Variants in SCN10A observed in about 807,000 individuals in gnomAD.
The protein encoded by SCN10A is sodium channel protein type 10 subunit alpha.
SCN10A carries 162 observed loss-of-function variants against 170.7 expected under a neutral mutation model. The ratio of observed to expected loss-of-function variants is 0.95; its 90% confidence interval spans 0.84 to 1.08. The LOEUF is 1.08. Among genes scored for constraint, SCN10A ranks in the 50% least tolerant of loss-of-function variants. The pLI, the probability that SCN10A is intolerant of heterozygous loss-of-function variation, is 0.00. For missense variants in SCN10A, 2,527 were observed against 2,436.9 expected (o/e 1.04, Z -0.78); for synonymous variants, 985 against 904.6 (o/e 1.09, Z -1.59).
At chr3:38,763,733 A>G in intron 5 of SCN10A, 137 bp from the exon 6 acceptor site, 2 of 657,508 alleles carry the variant, frequency 3.0e-6, no homozygotes, top group South Asian at 3.6e-5. Context: ...TGACACTGCC[A>G]TCTATAGACT....
chr3:38,701,656 T>A (rs142177791), intron 27 of SCN10A, among the ~76,000 whole-genome samples, 183 bp downstream of exon 27: 2 of 152,336 alleles, frequency 1.3e-5, no homozygotes, highest in African/African-American at 2.4e-5. Flanking sequence ...CCTCTTCATT[T>A]CACTGAGAGA....
chr3:38,723,133 C>T lies in SCN10A; in HGVS notation c.3352+297G>A, dbSNP rs1380928547. Among the ~76,000 whole-genome samples the T allele has an allele frequency of 3.9e-5, 6 of 152,152 alleles. No individual in the cohort carries two copies. In the East Asian group the frequency reaches 9.7e-4, roughly 24 times the overall value. On this transcript the variant is annotated intron_variant, in intron 19 of 27. Transcript: ENST00000449082. ...TCAGTGGTGTTTATGGTGGTGACTA[C>T]GTTTCCCCCTTTCAACTCAAGAGGG...
In SCN10A at chr3:38,780,406, T is replaced by G. The variant is rs568021757; in HGVS notation, c.470+8550A>C. On this transcript the variant is annotated intron_variant, in intron 4 of 27. Coordinates refer to ENST00000449082, the MANE Select transcript of SCN10A (RefSeq NM_006514.4). ...TTCAACATAGAGTTGGGTATTGCTT[T>G]GTAATGTAATAGGCATTTTTAAAAA... Among the ~76,000 whole-genome samples the G allele has an allele frequency of 2.0e-5, 3 of 152,242 alleles. No homozygotes were observed. In the East Asian group the frequency reaches 5.8e-4, roughly 29 times the overall value.
At chr3:38,765,195 T>G (rs1218392671) in intron 5 of SCN10A, among the ~76,000 whole-genome samples, 1 of 152,240 alleles carries the variant, frequency 6.6e-6, no homozygotes, top group Non-Finnish European at 1.5e-5. Flanking sequence ...TCTCTTGCTG[T>G]GCAACAGCTT....
At chr3:38,811,722 C>T (rs1214732044) in intron 1 of SCN10A, among the ~76,000 whole-genome samples, 2 of 152,178 alleles carry the variant, frequency 1.3e-5, no homozygotes, top group African/African-American at 4.8e-5. Flanking sequence ...TTGCCTGGGA[C>T]TCCAGCTAAT....
intron 13 of SCN10A, among the ~76,000 whole-genome samples, chr3:38,748,545 C>T (rs1315893574): frequency 6.6e-6 from 1 of 152,126 alleles, no homozygotes; most frequent in East Asian, 1.9e-4. Flanking sequence ...TTGAGCTGGT[C>T]CTTTGTCATT....
rs757067340 is a variant in SCN10A, at chr3:38,701,882, G to A, written c.4614C>T (p.Gly1538=). The A allele has an allele frequency of 2.4e-5, 38 of 1,613,560 alleles. No homozygotes were observed. The highest frequency in any genetic ancestry group is 3.2e-5 in the Non-Finnish European group (38 of 1,179,866). Residue 1538 remains glycine, a synonymous_variant, in exon 27 of 28, where the codon GGC becomes GGT. Coordinates refer to ENST00000449082, the MANE Select transcript of SCN10A (RefSeq NM_006514.4). Reference sequence around the variant, plus strand: ...CCACAATGAAGTCAAACACATTCCAGCCATTTGTGAAGTAGTACTGCCTCA... The same window carrying A: ...CCACAATGAAGTCAAACACATTCCAACCATTTGTGAAGTAGTACTGCCTCA... ...FALRQYYFTN[G]WNVFDFIVVV...
chr3:38,728,982 T>C lies in SCN10A; in HGVS notation c.2281-81A>G, dbSNP rs553508395. 10 of 1,517,062 alleles carry C rather than the reference T, an allele frequency of 6.6e-6. 1 individual carries two copies. The South Asian group carries it at 9.4e-5, about 14-fold the overall frequency. 94.0% of individuals were successfully genotyped at this position (1,517,062 alleles called of 1,614,324 possible). ...TAAAGTTTTGCCTGGAAACCAAAGA[T>C]CTGGGAAAAACACAAGGCCTCTCAT... On this transcript the variant is annotated intron_variant, in intron 15 of 27. Coordinates refer to ENST00000449082, the MANE Select transcript of SCN10A (RefSeq NM_006514.4).
At chr3:38,772,418 T>A (rs140620366) in intron 4 of SCN10A, among the ~76,000 whole-genome samples, 3 of 151,878 alleles carry the variant, frequency 2.0e-5, no homozygotes, top group Admixed American at 6.6e-5. Flanking sequence ...GGCCAGGCGC[T>A]GTGGCTCACG....
At chr3:38,718,620 C>A (rs755067126) in intron 21 of SCN10A, 33 bp downstream of exon 21, 9 of 1,611,418 alleles carry the variant, frequency 5.6e-6, no homozygotes, top group Admixed American at 5.0e-5. Context: ...GGGGAGGACC[C>A]CAAACCCCAC....
intron 7 of SCN10A, 144 bp downstream of exon 7, chr3:38,761,048 C>T (rs2063863992): frequency 1.5e-6 from 1 of 688,138 alleles, no homozygotes; most frequent in Non-Finnish European, 2.4e-6. Context: ...AAAAGTAAAA[C>T]ACAACTCAAG....
At position 38,755,894 on chromosome 3, in the gene SCN10A, G is replaced by A. The variant is rs898730949; in HGVS notation, c.1355C>T (p.Ser452Phe). ...LHSHNGSPLT[S>F]KNASERRHRI... ...ATGCCTTCTCTCACTGGCATTTTTG[G>A]AGGTTAAAGGTGATCCATTGTGGGA... The change falls in exon 11 of 28, where the codon TCC becomes TTC. Residue 452 changes from serine (S) to phenylalanine (F), a missense_variant. Coordinates refer to ENST00000449082, the MANE Select transcript of SCN10A (RefSeq NM_006514.4). 9 of 1,614,096 alleles carry A rather than the reference G, an allele frequency of 5.6e-6. 1 individual carries two copies. The highest frequency in any genetic ancestry group is 7.6e-6 in the Non-Finnish European group (9 of 1,180,044).
At chr3:38,757,200 G>C in intron 8 of SCN10A, 41 bp from the exon 9 acceptor site, 1 of 1,551,898 alleles carries the variant, frequency 6.4e-7, no homozygotes, top group Non-Finnish European at 8.7e-7. Context: ...GCTTATTGCA[G>C]ACAAGGTAGC....
chr3:38,708,282 G>A (rs2125986851), intron 25 of SCN10A, among the ~76,000 whole-genome samples: 1 of 152,204 alleles, frequency 6.6e-6, no homozygotes, highest in Admixed American at 6.5e-5. Flanking sequence ...TCTGACCAAG[G>A]ATTCAGTAGA....
rs1396352350 is a variant in SCN10A, at chr3:38,786,435, A to T, written c.470+2521T>A. The stretch of plus-strand genomic sequence containing the variant: ...TAGGTGGGAGATGAACAATGAGAGC[A>T]CGTGGATACAGGGAGGGGGACATCA... On this transcript the variant is annotated intron_variant, in intron 4 of 27. Coordinates refer to ENST00000449082, the MANE Select transcript of SCN10A (RefSeq NM_006514.4). Among the ~76,000 whole-genome samples, 3 of 151,962 alleles carry T rather than the reference A, an allele frequency of 2.0e-5. No individual in the cohort carries two copies. In the East Asian group the frequency reaches 5.8e-4, roughly 29 times the overall value.
At position 38,757,405 on chromosome 3, in the gene SCN10A, C is replaced by T. The variant is rs1361641111; in HGVS notation, c.951-246G>A. ...GGAGTGGCCTGGGGAAGGCAGCTGA[C>T]TGCCCAGACACGATACTATAAGCTC... is the stretch of plus-strand genomic sequence containing the variant. On this transcript the variant is annotated intron_variant, in intron 8 of 27. Transcript: ENST00000449082. 3.3e-5 allele frequency among the ~76,000 whole-genome samples: 5 copies of T among 152,200 alleles called. No individual in the cohort carries two copies. In the East Asian group the frequency reaches 9.6e-4, roughly 29 times the overall value.
chr3:38,706,376 T>G (rs1313663640), intron 26 of SCN10A, among the ~76,000 whole-genome samples: 1 of 152,234 alleles, frequency 6.6e-6, no homozygotes, highest in Non-Finnish European at 1.5e-5. Context: ...GCTAATGAAA[T>G]TGTGTCATCA....
intron 1 of SCN10A, among the ~76,000 whole-genome samples, chr3:38,797,533 CTA>C (rs1309711686): frequency 6.6e-6 from 1 of 152,178 alleles, no homozygotes; most frequent in Non-Finnish European, 1.5e-5. Flanking sequence ...CTTAGAAGTT[CTA>C]TGTGTTGTGT....
intron 4 of SCN10A, among the ~76,000 whole-genome samples, chr3:38,780,434 G>T (rs11925007): frequency 6.6e-6 from 1 of 151,970 alleles, no homozygotes; most frequent in African/African-American, 2.4e-5. Context: ...TTTAAAAATA[G>T]GTGAGTAAAA....
Sources: allele counts gnomAD v4.1 joint callset (sites outside exome capture counted in the v4.1 genomes callset), GRCh38; gene constraint gnomAD v4.1.1; transcripts MANE v1.5; gene names NCBI Gene and HGNC (gene_info 2026-07-23, HGNC 2026-07-21).